PREX2: variants seen among roughly 807,000 people sequenced by gnomAD.
PREX2 encodes phosphatidylinositol 3,4,5-trisphosphate-dependent Rac exchanger 2 protein.
PREX2 carries 107 observed loss-of-function variants against 203.2 expected under a neutral mutation model. The ratio of observed to expected loss-of-function variants is 0.53; its 90% CI spans 0.45 to 0.62. PREX2 has a LOEUF of 0.62. Among genes scored for constraint, PREX2 ranks in the 20% least tolerant of loss-of-function variants. PREX2 has a pLI of 0.00. For synonymous variants in PREX2, 672 were observed against 663.6 expected (o/e 1.01, Z -0.19); for missense variants, 1,777 against 1,955.9 (o/e 0.91, Z 1.72).
intron 37 of PREX2, among the ~76,000 whole-genome samples, chr8:68,207,602 C>T (rs193282668): frequency 2.6e-5 from 4 of 152,082 alleles, no homozygotes; most frequent in African/African-American, 4.8e-5. Flanking sequence ...AAATTTTGAA[C>T]GTTTATTGAG....
chr8:68,115,438 A>G (rs1388626743), intron 25 of PREX2, among the ~76,000 whole-genome samples: 1 of 152,232 alleles, frequency 6.6e-6, no homozygotes, highest in Non-Finnish European at 1.5e-5. Context: ...CATGGAAGCC[A>G]GTTATTCTCA....
In PREX2 at chr8:68,115,605, A is replaced by T. The variant is rs557306992; in HGVS notation, c.3147-148A>T. On this transcript the variant is annotated intron_variant, in intron 25 of 39. Transcript: ENST00000288368. ...GAAGAACAAGAGAACTTTGAATGAC[A>T]TGCTTTTTATGCAATAGAATATTTA... is the stretch of plus-strand genomic sequence containing the variant. 11 of 519,152 alleles carry T rather than the reference A, an allele frequency of 2.1e-5. No individual in the cohort carries two copies. In the South Asian group the frequency reaches 3.3e-4, roughly 16 times the overall value. The allele number at this position is 519,152 out of a possible 1,614,324, so 32.2% of individuals were successfully genotyped here.
intron 2 of PREX2, 28 bp from the exon 3 acceptor site, chr8:68,019,521 G>T (rs1274806058): frequency 6.3e-7 from 1 of 1,588,538 alleles, no homozygotes; most frequent in Non-Finnish European, 8.6e-7. Flanking sequence ...TCACTACTGA[G>T]CTTACTTACA....
chr8:68,083,206 T>C, intron 17 of PREX2, 34 bp from the exon 18 acceptor site: 1 of 1,504,892 alleles, frequency 6.6e-7, no homozygotes, highest in Non-Finnish European at 9.0e-7. Flanking sequence ...TATTAAAATA[T>C]ACTTTGACTT....
intron 29 of PREX2, among the ~76,000 whole-genome samples, chr8:68,120,525 G>A (rs1810750460): frequency 6.6e-6 from 1 of 152,136 alleles, no homozygotes. Flanking sequence ...GGGCCAGGCT[G>A]AGCAAAAATA....
chr8:68,079,518 C>T (rs1585766410), intron 15 of PREX2, among the ~76,000 whole-genome samples: 1 of 152,216 alleles, frequency 6.6e-6, no homozygotes, highest in Non-Finnish European at 1.5e-5. Flanking sequence ...ATTTCCAGAC[C>T]TGGAAGTTAA....
At chr8:68,188,826 G>T (rs1375870708) in intron 35 of PREX2, among the ~76,000 whole-genome samples, 3 of 152,130 alleles carry the variant, frequency 2.0e-5, no homozygotes, top group Non-Finnish European at 4.4e-5. Flanking sequence ...AATTCAGTGA[G>T]ACTTGGATGG....
intron 37 of PREX2, among the ~76,000 whole-genome samples, chr8:68,216,986 TGAG>T (rs1812854765): frequency 7.9e-6 from 1 of 127,154 alleles, no homozygotes; most frequent in Non-Finnish European, 1.6e-5. Context: ...AAAAAAAAAA[TGAG>T]AGAGAGAGAG....
At chr8:67,960,503 C>T (rs1175711893) in intron 1 of PREX2, among the ~76,000 whole-genome samples, 4 of 152,064 alleles carry the variant, frequency 2.6e-5, no homozygotes, top group African/African-American at 9.7e-5. Context: ...GGCATAAGGA[C>T]AAGTTTAATA....
intron 11 of PREX2, among the ~76,000 whole-genome samples, chr8:68,061,586 A>G (rs1320194714): frequency 1.3e-5 from 2 of 152,176 alleles, no homozygotes; most frequent in African/African-American, 4.8e-5. Flanking sequence ...CTACAATACC[A>G]TATTTTATAA....
At chr8:68,045,756 A>G (rs987340720) in intron 8 of PREX2, among the ~76,000 whole-genome samples, 6 of 152,086 alleles carry the variant, frequency 3.9e-5, no homozygotes, top group African/African-American at 1.2e-4. Context: ...ATCTCATTTC[A>G]AATCCCTTTC....
intron 1 of PREX2, among the ~76,000 whole-genome samples, chr8:67,976,448 C>CAGAG (rs10581119): frequency 4.2e-5 from 4 of 95,572 alleles, no homozygotes; most frequent in East Asian, 3.7e-4. Context: ...GGGAGAGAGA[C>CAGAG]AGAGAGAGAG....
At chr8:67,980,078 A>T (rs1806221840) in intron 1 of PREX2, among the ~76,000 whole-genome samples, 1 of 152,228 alleles carries the variant, frequency 6.6e-6, no homozygotes, top group Admixed American at 6.5e-5. Context: ...GAAGTATAGG[A>T]ATTTGAGCAA....
intron 10 of PREX2, among the ~76,000 whole-genome samples, chr8:68,056,751 T>C (rs1024335400): frequency 6.6e-6 from 1 of 152,226 alleles, no homozygotes; most frequent in Admixed American, 6.5e-5. Flanking sequence ...AACAATTTCA[T>C]ATGGTTAGTG....
intron 33 of PREX2, among the ~76,000 whole-genome samples, chr8:68,144,708 T>C (rs1811292404): frequency 6.6e-6 from 1 of 152,148 alleles, no homozygotes; most frequent in Non-Finnish European, 1.5e-5. Context: ...TGGTGGCTTA[T>C]GCCTGTAATC....
intron 31 of PREX2, among the ~76,000 whole-genome samples, chr8:68,129,866 T>C (rs1325184476): frequency 7.3e-6 from 1 of 137,128 alleles, no homozygotes. Context: ...ATAAAAATCT[T>C]ACTCTACAAC....
chr8:68,034,850 T>C (rs1044687567), intron 6 of PREX2, among the ~76,000 whole-genome samples: 2 of 152,146 alleles, frequency 1.3e-5, no homozygotes, highest in African/African-American at 4.8e-5. Context: ...TTTTGTCCTC[T>C]GTACGAGGTG....
intron 1 of PREX2, among the ~76,000 whole-genome samples, chr8:67,989,289 C>T (rs936406179): frequency 5.3e-5 from 8 of 152,010 alleles, no homozygotes; most frequent in East Asian, 3.9e-4. Context: ...ATAGTTTTTT[C>T]GAATTAAATA....
At chr8:68,119,378 A>G in intron 27 of PREX2, 54 bp from the exon 28 acceptor site, 1 of 1,170,962 alleles carries the variant, frequency 8.5e-7, no homozygotes, top group East Asian at 2.3e-5. Flanking sequence ...TTGGTACGTT[A>G]AACATAAGAT....
Sources: gnomAD v4.1 joint callset for allele counts (sites outside exome capture counted in the v4.1 genomes callset) on GRCh38, gnomAD v4.1.1 for gene constraint, MANE v1.5 for transcripts, NCBI Gene and HGNC (gene_info 2026-07-23, HGNC 2026-07-21) for gene names.